The following SLC13A1 variants were observed in gnomAD, a reference collection of about 807,000 sequenced individuals.
SLC13A1 encodes the protein solute carrier family 13 member 1.
Under a neutral mutation model 70.0 loss-of-function variants are expected in SLC13A1, and 65 were observed. That is an observed-to-expected ratio of 0.93 (90% confidence interval 0.76 to 1.14). The LOEUF (loss-of-function observed/expected upper bound fraction) is 1.14. Among genes scored for constraint, SLC13A1 ranks in the 50% most tolerant of loss-of-function variants. The pLI, the probability that SLC13A1 is intolerant of heterozygous loss-of-function variation, is 0.00. For missense variants in SLC13A1, 726 were observed against 717.8 expected, an observed-to-expected ratio of 1.01 and a Z score of -0.13; for synonymous variants, 275 against 250.5, an observed-to-expected ratio of 1.10 and a Z score of -0.92.
chr7:123,157,008 G>A (rs1298732117), intron 6 of SLC13A1, among the ~76,000 whole-genome samples: 1 of 152,014 alleles, frequency 6.6e-6, no homozygotes, highest in African/African-American at 2.4e-5. Context: ...AAGCTCGCTG[G>A]TGCTGTGAGA....
At chr7:123,129,232 C>T (rs1256582835) in intron 9 of SLC13A1, 151 bp downstream of exon 9, 6 of 695,824 alleles carry the variant, frequency 8.6e-6, no homozygotes, top group East Asian at 8.2e-5. Context: ...AATTTGGGGC[C>T]CTAATCAAGT....
At chr7:123,143,927 A>G (rs1361043377) in intron 7 of SLC13A1, among the ~76,000 whole-genome samples, 1 of 152,224 alleles carries the variant, frequency 6.6e-6, no homozygotes, top group Non-Finnish European at 1.5e-5. Context: ...ATACACAGGG[A>G]AACCTATTAC....
intron 8 of SLC13A1, among the ~76,000 whole-genome samples, chr7:123,129,692 G>C (rs1184862298): frequency 6.6e-6 from 1 of 151,870 alleles, no homozygotes; most frequent in Non-Finnish European, 1.5e-5. Flanking sequence ...GTTTTTGCCT[G>C]GTTTGCTCAC....
intron 13 of SLC13A1, among the ~76,000 whole-genome samples, chr7:123,118,205 T>G (rs1425818992): frequency 6.6e-6 from 1 of 152,124 alleles, no homozygotes; most frequent in African/African-American, 2.4e-5. Flanking sequence ...ATATGCAATT[T>G]AAGATTTGCT....
chr7:123,197,308 A>AT (rs1241358522), intron 1 of SLC13A1, among the ~76,000 whole-genome samples: 1 of 152,092 alleles, frequency 6.6e-6, no homozygotes, highest in Non-Finnish European at 1.5e-5. Context: ...ACATGGAATT[A>AT]TTTTTTATAA....
intron 6 of SLC13A1, among the ~76,000 whole-genome samples, chr7:123,151,620 A>T (rs1794558563): frequency 6.6e-6 from 1 of 152,122 alleles, no homozygotes; most frequent in Non-Finnish European, 1.5e-5. Context: ...GTCTTACAAT[A>T]CAATGAGGTG....
At position 123,117,587 on chromosome 7, in the gene SLC13A1, G is replaced by A. The variant is rs750129056; in HGVS notation, c.1534C>T (p.Pro512Ser). The A allele has an allele frequency of 1.2e-5, 19 of 1,606,086 alleles. No homozygotes were observed. Among genetic ancestry groups the A allele is most frequent in the Admixed American group, 1.7e-5 (1 of 59,740 alleles). The change falls in exon 14 of 15, where the codon CCT (proline) becomes TCT (serine). Residue 512 changes from proline (P) to serine (S), a missense_variant. Transcript: ENST00000194130. ...SPLAEAIHVN[P>S]LYILIPSTLC... is the part of the protein sequence containing the mutation. ...GTAGAAGGTATCAGAATATAAAGAG[G>A]GTTCACATGAATGGCTTCGGCCTGT...
At chr7:123,122,109 T>C (rs531829779) in intron 12 of SLC13A1, among the ~76,000 whole-genome samples, 205 of 152,270 alleles carry the variant, frequency 1.3e-3, no homozygotes, top group Non-Finnish European at 2.4e-3. Flanking sequence ...GTCTGGCTGA[T>C]GCTTTCAAAA....
intron 7 of SLC13A1, among the ~76,000 whole-genome samples, chr7:123,138,320 C>T (rs1242196664): frequency 6.6e-6 from 1 of 152,104 alleles, no homozygotes; most frequent in Non-Finnish European, 1.5e-5. Flanking sequence ...CGTTGATAGG[C>T]ACTTAGGTTG....
Position 123,169,249 on chromosome 7 carries a change from G to T in SLC13A1, c.452C>A (p.Ala151Glu), listed in dbSNP as rs148839931. ...TSTAAMVMPI[A>E]EAVVQQIINA... ...GATGATCTGCTGCACTACAGCCTCC[G>T]CAATGGGCATCACCATGGCAGCCGT... is the stretch of plus-strand genomic sequence containing the variant. The change falls in exon 4 of 15, where the codon GCG becomes GAG. Residue 151 changes from alanine to glutamate, a missense_variant. Physicochemically the swap from Ala to Glu is moderately radical, Grantham distance 107 (BLOSUM62 -1). Transcript: ENST00000194130. The T allele has an allele frequency of 8.1e-6, 13 of 1,613,984 alleles. No homozygotes were observed. In the East Asian group the frequency reaches 1.1e-4, roughly 14 times the overall value.
Position 123,161,442 on chromosome 7 carries a change from A to T in SLC13A1, c.660+6932T>A, listed in dbSNP as rs543556321. The stretch of plus-strand genomic sequence containing the variant: ...CACATAAATTTCTTTTTAAAAATGC[A>T]ATTGTTTGATGTTGAAATAGAAAAT... On this transcript the variant is annotated intron_variant, in intron 6 of 14. Coordinates refer to ENST00000194130, the MANE Select transcript of SLC13A1 (RefSeq NM_022444.4). Among the ~76,000 whole-genome samples the T allele has an allele frequency of 2.2e-3, 340 of 152,272 alleles. 1 individual carries two copies. Among genetic ancestry groups the T allele is most frequent in the Non-Finnish European group, 3.8e-3 (256 of 68,018 alleles).
intron 1 of SLC13A1, among the ~76,000 whole-genome samples, chr7:123,192,684 T>C (rs1796037950): frequency 6.6e-6 from 1 of 152,134 alleles, no homozygotes; most frequent in Non-Finnish European, 1.5e-5. Flanking sequence ...TCATGCATTC[T>C]AAATCTCTGT....
chr7:123,117,662 A>G (rs1793227632), intron 13 of SLC13A1, 54 bp from the exon 14 acceptor site: 2 of 1,255,742 alleles, frequency 1.6e-6, no homozygotes, highest in Non-Finnish European at 2.2e-6. Flanking sequence ...TAGACACGAA[A>G]CATAAAAAAA....
At position 123,125,595 on chromosome 7, in the gene SLC13A1, G is replaced by T. The variant is rs749019665; in HGVS notation, c.1214C>A (p.Thr405Asn). 3.1e-6 allele frequency: 5 copies of T among 1,611,758 alleles called. No homozygotes were observed. The African/African-American group carries it at 5.3e-5, about 17-fold the overall frequency. The part of the protein sequence containing the change: ...LFFLIPAKTL[T>N]KTTPTGEIVA... ...AATTTCTCCTGTAGGTGTAGTTTTA[G>T]TCAGTGTCTTAGCTGGGATAAGAAA... The change falls in exon 11 of 15, where the codon ACT (threonine) becomes AAT (asparagine). Residue 405 changes from threonine to asparagine, a missense_variant. By Grantham distance (65) the Thr-to-Asn change is moderately conservative (BLOSUM62 0). Coordinates refer to ENST00000194130, the MANE Select transcript of SLC13A1 (RefSeq NM_022444.4).
rs182474421 is a variant in SLC13A1, at chr7:123,114,675, G to T, written c.*843C>A. ...GAACTAAGATAAACACTTAAGCAAA[G>T]TTGTTACTCATATACGAAAATATGT... On this transcript the variant is annotated 3_prime_UTR_variant, in exon 15 of 15. Coordinates refer to ENST00000194130, the MANE Select transcript of SLC13A1 (RefSeq NM_022444.4). The T allele has an allele frequency of 6.6e-6, 1 of 152,100 alleles. No individual in the cohort carries two copies. 9.4% of individuals were successfully genotyped at this position (152,100 alleles called of 1,614,324 possible).
intron 7 of SLC13A1, among the ~76,000 whole-genome samples, chr7:123,137,395 G>A (rs998820257): frequency 3.3e-5 from 5 of 152,170 alleles, no homozygotes; most frequent in Non-Finnish European, 5.9e-5. Flanking sequence ...CCTAGCAATT[G>A]AAACTGAGTT....
intron 12 of SLC13A1, among the ~76,000 whole-genome samples, chr7:123,121,292 C>G (rs1162980341): frequency 6.6e-6 from 1 of 152,214 alleles, no homozygotes; most frequent in East Asian, 1.9e-4. Context: ...CTGTTGCTTT[C>G]AGAGTTATCT....
At chr7:123,143,444 G>A (rs563134933) in intron 7 of SLC13A1, among the ~76,000 whole-genome samples, 2 of 152,242 alleles carry the variant, frequency 1.3e-5, no homozygotes, top group African/African-American at 4.8e-5. Context: ...GCTACAGCTG[G>A]TTTAAATGCT....
At chr7:123,189,014 C>G (rs1171713053) in intron 1 of SLC13A1, among the ~76,000 whole-genome samples, 2 of 144,348 alleles carry the variant, frequency 1.4e-5, no homozygotes. Context: ...ACTTGGGAGG[C>G]TGAGGCAGGA....
Sources: gnomAD v4.1 joint callset for allele counts (sites outside exome capture counted in the v4.1 genomes callset) on GRCh38, gnomAD v4.1.1 for gene constraint, MANE v1.5 for transcripts, NCBI Gene and HGNC (gene_info 2026-07-23, HGNC 2026-07-21) for gene names.